B3GAT1: variants seen among roughly 807,000 people sequenced by gnomAD.
B3GAT1 encodes the protein galactosylgalactosylxylosylprotein 3-beta-glucuronosyltransferase 1.
Under a neutral mutation model 28.4 loss-of-function variants are expected in B3GAT1, and 11 were observed. The ratio of observed to expected loss-of-function variants is 0.39; its 90% CI spans 0.24 to 0.64. The LOEUF (loss-of-function observed/expected upper bound fraction) is 0.64. Among genes scored for constraint, B3GAT1 ranks in the 30% least tolerant of loss-of-function variants. B3GAT1 has a pLI of 0.50. For missense variants in B3GAT1, 375 were observed against 491.0 expected (o/e 0.76, Z 2.23); for synonymous variants, 255 against 223.1 (o/e 1.14, Z -1.27).
In B3GAT1 at chr11:134,404,027, A is replaced by ATTTATTTATTTATT. The variant is rs1438156680; in HGVS notation, c.-282+7779_-282+7780insAATAAATAAATAAA. On this transcript the variant is annotated intron_variant, in intron 1 of 5. Coordinates refer to ENST00000312527, the MANE Select transcript of B3GAT1 (RefSeq NM_054025.3). ...TATATATATATATATATATATATAT[A>ATTTATTTATTTATT]TATTTATTATACGTTAAGTTCTAGG... Among the ~76,000 whole-genome samples, 248 of 106,740 alleles carry ATTTATTTATTTATT rather than the reference A, an allele frequency of 2.3e-3. 3 individuals carry two copies. Among genetic ancestry groups the ATTTATTTATTTATT allele is most frequent in the Middle Eastern group, 5.1e-3 (1 of 196 alleles). The allele number at this position is 106,740 out of a possible 152,430, so 70.0% of individuals were successfully genotyped here. A position where few individuals can be genotyped will look rare whatever the true frequency, so the allele number is the denominator to read the frequency against.
intron 5 of B3GAT1, 43 bp downstream of exon 5, chr11:134,381,881 G>A: frequency 6.7e-7 from 1 of 1,501,566 alleles, no homozygotes; most frequent in Non-Finnish European, 9.3e-7. Context: ...CCAACCTGGT[G>A]CCGCCCTGCC....
intron 1 of B3GAT1, chr11:134,389,999 A>G (rs1353808420): frequency 1.3e-5 from 2 of 152,138 alleles, no homozygotes; most frequent in African/African-American, 4.8e-5. Flanking sequence ...ACACCCCGCC[A>G]TCAGAGGCCC....
chr11:134,398,362 G>A (rs1194035022), intron 1 of B3GAT1, among the ~76,000 whole-genome samples: 1 of 152,148 alleles, frequency 6.6e-6, no homozygotes, highest in Non-Finnish European at 1.5e-5. Flanking sequence ...TTCGGATCCT[G>A]GAACATAGAT....
Position 134,393,972 on chromosome 11 carries a change from C to T in B3GAT1, c.-281-6032G>A, listed in dbSNP as rs1010252872. Among the ~76,000 whole-genome samples, 5 of 152,196 alleles carry T rather than the reference C, an allele frequency of 3.3e-5. No individual in the cohort carries two copies. The highest frequency in any genetic ancestry group is 1.3e-4 in the Admixed American group (2 of 15,284). ...GATTCTGCAGGCGCTGCTCAGGAAA[C>T]GCCTGATGCCACAGCTAATCAGCTC... On this transcript the variant is annotated intron_variant, in intron 1 of 5. Coordinates refer to ENST00000312527, the MANE Select transcript of B3GAT1 (RefSeq NM_054025.3). This position sits in a 1 kb window ranked among gnomAD's most constrained non-coding sequence, Gnocchi z 4.0.
chr11:134,391,287 C>T (rs2136318180), intron 1 of B3GAT1: 1 of 152,326 alleles, frequency 6.6e-6, no homozygotes, highest in Admixed American at 6.5e-5. Context: ...GAGCCCCCAG[C>T]CTGGAGAACG....
At chr11:134,399,376 G>A (rs778185063) in intron 1 of B3GAT1, among the ~76,000 whole-genome samples, 50 of 152,218 alleles carry the variant, frequency 3.3e-4, no homozygotes, top group Admixed American at 6.5e-4. Flanking sequence ...TGCACCCTAG[G>A]AGAGGCCTGT....
chr11:134,406,205 C>A (rs1387419882), intron 1 of B3GAT1, among the ~76,000 whole-genome samples: 1 of 152,214 alleles, frequency 6.6e-6, no homozygotes, highest in Non-Finnish European at 1.5e-5. Context: ...GAGGGGTGAG[C>A]CCAGGCAGGG....
chr11:134,385,222 A>G (rs887210672), intron 2 of B3GAT1: 8 of 152,242 alleles, frequency 5.3e-5, no homozygotes, highest in Admixed American at 4.6e-4. Flanking sequence ...GCAGTGGCCA[A>G]CTCTGCTTCC....
At chr11:134,397,417 T>C (rs1944526550) in intron 1 of B3GAT1, among the ~76,000 whole-genome samples, 4 of 147,952 alleles carry the variant, frequency 2.7e-5, no homozygotes, top group Non-Finnish European at 5.9e-5. Context: ...CCTGGCCATC[T>C]CTGCCCCGCC....
chr11:134,392,774 A>T (rs1459786140), intron 1 of B3GAT1, among the ~76,000 whole-genome samples: 2 of 152,194 alleles, frequency 1.3e-5, no homozygotes, highest in Non-Finnish European at 2.9e-5. Flanking sequence ...AGGCTGGGGC[A>T]GAACATGTGA....
In B3GAT1 at chr11:134,397,591, CCCAGAGGGCAGTGCCCCATTCCCATG is replaced by C. The variant is rs1386663526; in HGVS notation, c.-281-9677_-281-9652del. On this transcript the variant is annotated intron_variant, in intron 1 of 5. Coordinates refer to ENST00000312527, the MANE Select transcript of B3GAT1 (RefSeq NM_054025.3). ...CCCAGAGGGCAGTGCCCCATTCCCA[CCCAGAGGGCAGTGCCCCATTCCCATG>C]CCAGAGGGCAGTGCCCCATTCCCAC... Among the ~76,000 whole-genome samples the C allele has an allele frequency of 2.4e-3, 340 of 142,600 alleles. 1 individual carries two copies. The highest frequency in any genetic ancestry group is 5.4e-3 in the African/African-American group (188 of 35,140). 93.6% of individuals were successfully genotyped at this position (142,600 alleles called of 152,430 possible).
Position 134,384,076 on chromosome 11 carries a change from C to G in B3GAT1, c.225G>C (p.Arg75=), listed in dbSNP as rs1168213512. The change falls in exon 3 of 6, where the codon CGG becomes CGC. Residue 75 remains arginine (R), a synonymous_variant. Coordinates refer to ENST00000312527, the MANE Select transcript of B3GAT1 (RefSeq NM_054025.3). ...EVVRTEYVYT[R]PPPWSDTLPT... Reference sequence around the variant, plus strand: ...GCAGCGTGTCGGACCATGGCGGGGGCCGCGTGTACACGTACTCGGTGCGCA... The same window carrying G: ...GCAGCGTGTCGGACCATGGCGGGGGGCGCGTGTACACGTACTCGGTGCGCA... 1.5e-5 allele frequency: 24 copies of G among 1,602,086 alleles called. No individual in the cohort carries two copies. Among genetic ancestry groups the G allele is most frequent in the Non-Finnish European group, 2.0e-5 (24 of 1,177,844 alleles).
intron 1 of B3GAT1, among the ~76,000 whole-genome samples, chr11:134,398,223 T>G (rs1324801717): frequency 1.3e-5 from 2 of 152,230 alleles, no homozygotes; most frequent in African/African-American, 4.8e-5. Context: ...ACACGTGTAT[T>G]CACAGGCACG....
intron 1 of B3GAT1, among the ~76,000 whole-genome samples, chr11:134,402,755 A>G (rs2136333503): frequency 6.6e-6 from 1 of 152,238 alleles, no homozygotes. Context: ...TCTACTGAAA[A>G]TACAAAAATT....
At chr11:134,390,032 C>G (rs114606753) in intron 1 of B3GAT1, 2 of 152,294 alleles carry the variant, frequency 1.3e-5, no homozygotes, top group Admixed American at 6.5e-5. Context: ...GAGTCTCCCC[C>G]ACCCATTCCC....
At chr11:134,398,355 G>A (rs906155796) in intron 1 of B3GAT1, among the ~76,000 whole-genome samples, 4 of 152,116 alleles carry the variant, frequency 2.6e-5, no homozygotes, top group African/African-American at 7.2e-5. Context: ...CAGTGGCTTC[G>A]GATCCTGGAA....
intron 1 of B3GAT1, among the ~76,000 whole-genome samples, chr11:134,395,806 T>C (rs1944494201): frequency 1.3e-5 from 2 of 152,200 alleles, no homozygotes; most frequent in Admixed American, 6.5e-5. Flanking sequence ...CCTACACACT[T>C]GGCAGAGGAC....
intron 1 of B3GAT1, among the ~76,000 whole-genome samples, chr11:134,403,600 C>G (rs1944663782): frequency 6.6e-6 from 1 of 152,166 alleles, no homozygotes; most frequent in Non-Finnish European, 1.5e-5. Flanking sequence ...GGCCCCTCTG[C>G]TCAGACATCT....
At chr11:134,400,877 C>G (rs556608566) in intron 1 of B3GAT1, among the ~76,000 whole-genome samples, 2 of 152,254 alleles carry the variant, frequency 1.3e-5, no homozygotes, top group Admixed American at 1.3e-4. Flanking sequence ...CAGAACCTAC[C>G]AGGAATTTAG....
Sources: allele counts gnomAD v4.1 joint callset (sites outside exome capture counted in the v4.1 genomes callset), GRCh38; gene constraint gnomAD v4.1.1; non-coding constraint Gnocchi (gnomAD v3.1); transcripts MANE v1.5; gene names NCBI Gene and HGNC (gene_info 2026-07-23, HGNC 2026-07-21).